Variants in EML1 observed in about 807,000 individuals in gnomAD.
EML1 encodes echinoderm microtubule-associated protein-like 1.
EML1 carries 27 observed loss-of-function variants against 110.4 expected under a neutral mutation model. The ratio of observed to expected loss-of-function variants is 0.24; its 90% CI spans 0.18 to 0.34. The LOEUF is 0.34. Ranked by LOEUF, EML1 falls within the 10% of genes least tolerant of loss-of-function variation. The pLI, the probability that EML1 is intolerant of heterozygous loss-of-function variation, is 1.00. For missense variants in EML1, 741 were observed against 1,030.9 expected (o/e 0.72, Z 3.85); for synonymous variants, 344 against 385.8 (o/e 0.89, Z 1.27).
chr14:99,860,828 C>T (rs2139865800), intron 2 of EML1, among the ~76,000 whole-genome samples: 1 of 152,104 alleles, frequency 6.6e-6, no homozygotes, highest in Admixed American at 6.6e-5. Flanking sequence ...TCCTCTTCCT[C>T]CTCTTCCCAC....
intron 17 of EML1, among the ~76,000 whole-genome samples, chr14:99,926,018 G>A (rs1396946153): frequency 6.6e-6 from 1 of 152,198 alleles, no homozygotes; most frequent in South Asian, 2.1e-4. Context: ...CAGGACCGCT[G>A]TGCTGGCCCA....
Position 99,821,113 on chromosome 14 carries a change from C to T in EML1, c.67+27570C>T, listed in dbSNP as rs111899363. Among the ~76,000 whole-genome samples, 1,236 of 151,126 alleles carry T rather than the reference C, an allele frequency of 8.2e-3. 15 individuals are homozygous for T. The highest frequency in any genetic ancestry group is 0.029 in the African/African-American group (1,176 of 41,076). On this transcript the variant is annotated intron_variant, in intron 1 of 21. Coordinates refer to ENST00000262233, the MANE Select transcript of EML1 (RefSeq NM_004434.3). ...TCATAGCTCACTGCAGACTCAAGCA[C>T]CTGGGCTCAAGTGATCCTACTGCCT...
intron 19 of EML1, 90 bp from the exon 20 acceptor site, chr14:99,937,727 C>T: frequency 1.7e-6 from 2 of 1,202,980 alleles, no homozygotes; most frequent in Non-Finnish European, 2.4e-6. Flanking sequence ...GGCTCTGTAC[C>T]CAACGGGGCA....
intron 17 of EML1, among the ~76,000 whole-genome samples, chr14:99,932,609 T>G (rs8021275): frequency 0.021 from 3,052 of 147,666 alleles, 99 homozygotes; most frequent in African/African-American, 0.071. Context: ...ATTGCACCAT[T>G]GCACTCCAGC....
chr14:99,813,080 G>A (rs1370661372), intron 1 of EML1, among the ~76,000 whole-genome samples: 2 of 152,136 alleles, frequency 1.3e-5, no homozygotes, highest in Non-Finnish European at 2.9e-5. Context: ...AGGAACCGTA[G>A]TTAGCCGTCT....
At chr14:99,813,298 C>A (rs2058112332) in intron 1 of EML1, among the ~76,000 whole-genome samples, 1 of 152,102 alleles carries the variant, frequency 6.6e-6, no homozygotes, top group African/African-American at 2.4e-5. Flanking sequence ...TCTTTTTAAT[C>A]ATTATCTTCA....
chr14:99,814,186 C>T (rs570801572), intron 1 of EML1, among the ~76,000 whole-genome samples: 5 of 152,224 alleles, frequency 3.3e-5, no homozygotes, highest in East Asian at 1.9e-4. Flanking sequence ...TAAAGGACCT[C>T]GGAAGATTCA....
intron 16 of EML1, among the ~76,000 whole-genome samples, chr14:99,919,296 A>G (rs1283856837): frequency 6.6e-6 from 1 of 152,136 alleles, no homozygotes; most frequent in African/African-American, 2.4e-5. Context: ...CAGAGCCTAT[A>G]TGGATAAAGA....
upstream of EML1, among the ~76,000 whole-genome samples, chr14:99,770,847 C>T (rs189144588): frequency 1.2e-3 from 162 of 138,480 alleles, 3 homozygotes; most frequent in African/African-American, 4.2e-3. Context: ...TGCAGTGGCG[C>T]GATCTCGGCT....
intron 1 of EML1, among the ~76,000 whole-genome samples, chr14:99,837,669 A>G (rs2058561931): frequency 6.6e-6 from 1 of 152,216 alleles, no homozygotes; most frequent in African/African-American, 2.4e-5. Flanking sequence ...TCCATAGCCG[A>G]ACATATCTAT....
chr14:99,779,887 G>A (rs907628823), intron 1 of EML1, among the ~76,000 whole-genome samples: 6 of 152,302 alleles, frequency 3.9e-5, no homozygotes, highest in South Asian at 4.1e-4. Context: ...GGAAGGAGAC[G>A]GGGGAGGAAT....
chr14:99,936,494 G>C lies in EML1; in HGVS notation c.2095+160G>C, dbSNP rs758527049. 1.5e-4 allele frequency among the ~76,000 whole-genome samples: 23 copies of C among 152,286 alleles called. No homozygotes were observed. The highest frequency in any genetic ancestry group is 4.1e-4 in the South Asian group (2 of 4,826). On this transcript the variant is annotated intron_variant, in intron 19 of 21. Transcript: ENST00000262233. This position sits in a 1 kb window ranked among gnomAD's most constrained non-coding sequence, Gnocchi z 5.5. ...CTCTGTAACGTAGGGGAGTGGGGCT[G>C]CGTGGCTTCTTGGGTCCTTCCCGGT...
At chr14:99,802,376 A>G (rs748603996) in intron 1 of EML1, among the ~76,000 whole-genome samples, 13 of 151,884 alleles carry the variant, frequency 8.6e-5, no homozygotes, top group African/African-American at 3.1e-4. Context: ...GTTTTAAAAG[A>G]TCACTCTGCT....
At chr14:99,771,330 T>G (rs1222413421), upstream of EML1, among the ~76,000 whole-genome samples, 1 of 152,248 alleles carries the variant, frequency 6.6e-6, no homozygotes, top group Non-Finnish European at 1.5e-5. Context: ...AATGGGATTA[T>G]GGTCTCTTGC....
At chr14:99,897,486 A>G (rs962767084) in intron 7 of EML1, among the ~76,000 whole-genome samples, 192 bp downstream of exon 7, 6 of 152,190 alleles carry the variant, frequency 3.9e-5, no homozygotes, top group Non-Finnish European at 8.8e-5. Flanking sequence ...GGACATAACT[A>G]AAGAGAAGGA....
intron 4 of EML1, among the ~76,000 whole-genome samples, chr14:99,888,259 C>T (rs1035959301): frequency 1.3e-5 from 2 of 152,130 alleles, no homozygotes; most frequent in Non-Finnish European, 2.9e-5. Flanking sequence ...TCTTCAGTGT[C>T]GAAGGTCCAC....
In EML1 at chr14:99,891,306, C is replaced by T. The variant is rs1191100; in HGVS notation, c.547+79C>T. On this transcript the variant is annotated intron_variant, in intron 5 of 21. Coordinates refer to ENST00000262233, the MANE Select transcript of EML1 (RefSeq NM_004434.3). ...CAAGGGACAGAAAAGAAGTAGCCAG[C>T]TTCAGGGGCCAGCCTTGGACACACA... 0.35 allele frequency: 550,507 copies of T among 1,576,936 alleles called. 99,891 individuals are homozygous for T. The highest frequency in any genetic ancestry group is 0.43 in the South Asian group (38,105 of 89,116).
intron 1 of EML1, among the ~76,000 whole-genome samples, chr14:99,782,257 C>G (rs1357149738): frequency 6.6e-6 from 1 of 151,900 alleles, no homozygotes; most frequent in African/African-American, 2.4e-5. Flanking sequence ...GGGTTTAAAT[C>G]CCAGCTCTAC....
At chr14:99,750,941 A>G (rs1191615080) in intron 1 of EML1, among the ~76,000 whole-genome samples, 1 of 152,280 alleles carries the variant, frequency 6.6e-6, no homozygotes, top group South Asian at 2.1e-4. Context: ...CTCCACAGGC[A>G]TTAGCTCCCT....
Sources: allele counts gnomAD v4.1 joint callset (sites outside exome capture counted in the v4.1 genomes callset), GRCh38; gene constraint gnomAD v4.1.1; non-coding constraint Gnocchi (gnomAD v3.1); transcripts MANE v1.5; gene names NCBI Gene and HGNC (gene_info 2026-07-23, HGNC 2026-07-21).